Variants in SLC15A5 observed in about 807,000 individuals in gnomAD.
SLC15A5 encodes solute carrier family 15 member 5.
In SLC15A5, 58 loss-of-function variants were observed where a neutral mutation model predicts 56.1. The ratio of observed to expected loss-of-function variants is 1.03; its 90% CI spans 0.84 to 1.29. The LOEUF is 1.29. Ranked by LOEUF, SLC15A5 falls within the 50% of genes most tolerant of loss-of-function variation. SLC15A5 has a pLI of 0.00. For synonymous variants in SLC15A5, 264 were observed against 250.5 expected (o/e 1.05, Z -0.51); for missense variants, 681 against 672.1 (o/e 1.01, Z -0.15).
At chr12:16,193,789 GAGAGAGAGAGAGAGAGAGAGAGAGA>G (rs1863863189) in intron 8 of SLC15A5, among the ~76,000 whole-genome samples, 1 of 17,928 alleles carries the variant, frequency 5.6e-5, no homozygotes, top group Middle Eastern at 0.022. Flanking sequence ...GGGAGAGAGA[GAGAGAGAGAGAGAGAGAGAGAGAGA>G]GAGAGAGAGA....
chr12:16,270,471 A>C (rs1864740698), intron 2 of SLC15A5, among the ~76,000 whole-genome samples: 1 of 152,150 alleles, frequency 6.6e-6, no homozygotes, highest in Non-Finnish European at 1.5e-5. Flanking sequence ...GCTCCTTTCA[A>C]AGATGACCTC....
At chr12:16,256,815 C>T (rs1418209864) in intron 3 of SLC15A5, among the ~76,000 whole-genome samples, 4 of 150,834 alleles carry the variant, frequency 2.7e-5, no homozygotes, top group African/African-American at 4.9e-5. Context: ...GCGGACATCG[C>T]ACCACTGCAC....
intron 5 of SLC15A5, among the ~76,000 whole-genome samples, chr12:16,226,401 CT>C (rs971823817): frequency 2.8e-4 from 43 of 151,998 alleles, no homozygotes; most frequent in African/African-American, 9.6e-4. Flanking sequence ...TGTTTTAAAA[CT>C]TTTTTTCCCA....
chr12:16,270,592 A>G (rs1285844752), intron 2 of SLC15A5, among the ~76,000 whole-genome samples: 1 of 152,200 alleles, frequency 6.6e-6, no homozygotes, highest in Admixed American at 6.5e-5. Flanking sequence ...GATACCTATA[A>G]TATGCTAGGA....
chr12:16,215,063 T>C (rs924167719), intron 7 of SLC15A5, among the ~76,000 whole-genome samples: 1 of 151,658 alleles, frequency 6.6e-6, no homozygotes, highest in African/African-American at 2.4e-5. Context: ...ATTAGCTGGG[T>C]GTGGTGGTGT....
In SLC15A5 at chr12:16,257,636, A is replaced by G. The variant is rs1177679490; in HGVS notation, c.754+65T>C. The G allele has an allele frequency of 2.5e-6, 3 of 1,219,222 alleles. No individual in the cohort carries two copies. In the African/African-American group the frequency reaches 4.7e-5, roughly 19 times the overall value. 75.5% of individuals were successfully genotyped at this position (1,219,222 alleles called of 1,614,324 possible). Reference sequence around the variant, plus strand: ...AAAGAGAAGTTATAAAGAATCAAAGAGAAAGGATATCTGTCAAGAAAACAA... The same window carrying G: ...AAAGAGAAGTTATAAAGAATCAAAGGGAAAGGATATCTGTCAAGAAAACAA... On this transcript the variant is annotated intron_variant, in intron 3 of 8. Transcript: ENST00000344941.
At position 16,259,900 on chromosome 12, in the gene SLC15A5, G is replaced by GGA. The variant is rs1555173553; in HGVS notation, c.585-2031_585-2030insTC. On this transcript the variant is annotated intron_variant, in intron 2 of 8. Transcript: ENST00000344941. The stretch of plus-strand genomic sequence containing the variant: ...GCTGTACCCAGCTGACACCACCCGG[G>GGA]CGGGGGGTAAGTTAGAGCACTTCCA... Among the ~76,000 whole-genome samples, 512 of 151,082 alleles carry GGA rather than the reference G, an allele frequency of 3.4e-3. 11 individuals carry two copies. Among genetic ancestry groups the GGA allele is most frequent in the Admixed American group, 3.7e-3 (56 of 15,150 alleles).
Position 16,194,370 on chromosome 12 carries a change from G to C in SLC15A5, c.1567C>G (p.Leu523Val). 6.5e-7 allele frequency: 1 copy of C among 1,534,276 alleles called. No individual in the cohort carries two copies. Among genetic ancestry groups the C allele is most frequent in the East Asian group, 2.4e-5 (1 of 40,824 alleles). The stretch of plus-strand genomic sequence containing the variant: ...CTTTGTGAAACACTGCAGAATCCCA[G>C]GACGTTCAACAATGTTAATGATGCC... ...FLASLTLLNV[L>V]GFCSVSQRYC... The change falls in exon 8 of 9, where the codon CTG becomes GTG. Residue 523 changes from leucine to valine, a missense_variant. Leu to Val is a conservative substitution (Grantham distance 32). Coordinates refer to ENST00000344941, the MANE Select transcript of SLC15A5 (RefSeq NM_001170798.1).
At chr12:16,215,054 T>A (rs888555497) in intron 7 of SLC15A5, among the ~76,000 whole-genome samples, 3 of 151,966 alleles carry the variant, frequency 2.0e-5, no homozygotes, top group Admixed American at 2.0e-4. Flanking sequence ...AATACAAAAA[T>A]TAGCTGGGTG....
At position 16,269,324 on chromosome 12, in the gene SLC15A5, G is replaced by A. The variant is rs1037212986; in HGVS notation, c.584+3237C>T. ...AATTAAAATGAGCAACACTGCGTTGGAACAGTGGTTCTCAACTCTAACTGG... is the reference window on the plus strand; with the variant it reads ...AATTAAAATGAGCAACACTGCGTTGAAACAGTGGTTCTCAACTCTAACTGG... On this transcript the variant is annotated intron_variant, in intron 2 of 8. Coordinates refer to ENST00000344941, the MANE Select transcript of SLC15A5 (RefSeq NM_001170798.1). This position sits in a 1 kb window ranked among gnomAD's most constrained non-coding sequence, Gnocchi z 4.7. Among the ~76,000 whole-genome samples the A allele has an allele frequency of 6.6e-6, 1 of 152,126 alleles. No individual in the cohort carries two copies. The highest frequency in any genetic ancestry group is 1.5e-5 in the Non-Finnish European group (1 of 68,024).
intron 5 of SLC15A5, among the ~76,000 whole-genome samples, chr12:16,231,878 C>T (rs1864303230): frequency 6.6e-6 from 1 of 152,198 alleles, no homozygotes; most frequent in African/African-American, 2.4e-5. Flanking sequence ...AAGAAATCTT[C>T]TCTCAATAAG....
chr12:16,232,708 G>A (rs566004661), intron 5 of SLC15A5, among the ~76,000 whole-genome samples: 18 of 152,230 alleles, frequency 1.2e-4, no homozygotes, highest in African/African-American at 4.3e-4. Flanking sequence ...TTGAGGCCAG[G>A]AGTTCAAGAC....
chr12:16,189,819 A>G lies in SLC15A5; in HGVS notation c.1593-4T>C. ...AAAATGATTTAGATTACAATATCTA[A>G]AAAAGAAAGAAAGAAAGCTTTTCTT... is the stretch of plus-strand genomic sequence containing the variant. On this transcript the variant is annotated splice_polypyrimidine_tract_variant and splice_region_variant and intron_variant, in intron 8 of 8. Transcript: ENST00000344941. The G allele has an allele frequency of 6.8e-7, 1 of 1,474,148 alleles. No homozygotes were observed. The highest frequency in any genetic ancestry group is 9.0e-7 in the Non-Finnish European group (1 of 1,117,144). The allele number at this position is 1,474,148 out of a possible 1,614,324, so 91.3% of individuals were successfully genotyped here.
chr12:16,218,814 C>T (rs1359689184), intron 6 of SLC15A5, among the ~76,000 whole-genome samples: 3 of 152,052 alleles, frequency 2.0e-5, no homozygotes, highest in Non-Finnish European at 4.4e-5. Flanking sequence ...ATTATCTCTT[C>T]CTGCTCCTCT....
intron 7 of SLC15A5, among the ~76,000 whole-genome samples, chr12:16,202,133 C>A (rs1863964635): frequency 6.6e-6 from 1 of 151,994 alleles, no homozygotes; most frequent in Admixed American, 6.6e-5. Context: ...TGTTTCTGCA[C>A]AGCAAAGGAA....
intron 1 of SLC15A5, among the ~76,000 whole-genome samples, chr12:16,273,566 A>G (rs1864784530): frequency 6.6e-6 from 1 of 151,994 alleles, no homozygotes; most frequent in South Asian, 2.1e-4. Context: ...CTCATGGACT[A>G]TATTGTTTCA....
At chr12:16,209,780 G>A (rs975661624) in intron 7 of SLC15A5, among the ~76,000 whole-genome samples, 2 of 151,904 alleles carry the variant, frequency 1.3e-5, no homozygotes, top group African/African-American at 2.4e-5. Context: ...CATTCACTTC[G>A]CTCCATCTGC....
At chr12:16,219,076 A>G (rs1490759897) in intron 6 of SLC15A5, among the ~76,000 whole-genome samples, 1 of 152,204 alleles carries the variant, frequency 6.6e-6, no homozygotes, top group Non-Finnish European at 1.5e-5. Context: ...CAGTGCTGGA[A>G]CTGAGAGGTG....
At chr12:16,233,698 T>C (rs1402575295) in intron 5 of SLC15A5, among the ~76,000 whole-genome samples, 4 of 152,190 alleles carry the variant, frequency 2.6e-5, no homozygotes, top group Non-Finnish European at 4.4e-5. Context: ...GAGCCGTCTT[T>C]TGGGCCACTT....
Sources: allele counts gnomAD v4.1 joint callset (sites outside exome capture counted in the v4.1 genomes callset), GRCh38; gene constraint gnomAD v4.1.1; non-coding constraint Gnocchi (gnomAD v3.1); transcripts MANE v1.5; gene names NCBI Gene and HGNC (gene_info 2026-07-23, HGNC 2026-07-21).